Variants in RGS20 observed in about 807,000 individuals in gnomAD.
RGS20 encodes regulator of G protein signaling 20.
In RGS20, 30 loss-of-function variants were observed where a neutral mutation model predicts 33.6. That is an observed-to-expected ratio of 0.89 (90% CI 0.67 to 1.21). RGS20 has a LOEUF of 1.21. RGS20 is among the 50% of genes most tolerant of loss of function. The pLI is 0.00. For synonymous variants in RGS20, 208 were observed against 197.9 expected, an observed-to-expected ratio of 1.05 and a Z score of -0.43; for missense variants, 472 against 502.4, an observed-to-expected ratio of 0.94 and a Z score of 0.58.
At chr8:53,947,490 GCTATATAGGATATAGTATATACATTTATA>G (rs1161815730) in intron 4 of RGS20, among the ~76,000 whole-genome samples, 101 of 135,172 alleles carry the variant, frequency 7.5e-4, no homozygotes, top group African/African-American at 2.6e-3. Context: ...ATTTATATAT[GCTATATAGGATATAGTATATACATTTATA>G]TATGCTATAT....
intron 4 of RGS20, among the ~76,000 whole-genome samples, chr8:53,952,463 C>T (rs1467759050): frequency 1.3e-5 from 2 of 151,278 alleles, no homozygotes; most frequent in Admixed American, 6.6e-5. Context: ...CAGTGGCTCA[C>T]ACCTATAATC....
chr8:53,889,992 T>C (rs1297855513), intron 2 of RGS20, among the ~76,000 whole-genome samples: 1 of 152,170 alleles, frequency 6.6e-6, no homozygotes, highest in East Asian at 1.9e-4. Context: ...TATCTGTGGA[T>C]TGACGTCTTT....
Position 53,875,125 on chromosome 8 carries a change from A to G in RGS20, c.166-4133A>G, listed in dbSNP as rs60915831. Among the ~76,000 whole-genome samples the G allele has an allele frequency of 4.8e-3, 731 of 152,246 alleles. 5 individuals carry two copies. Among genetic ancestry groups the G allele is most frequent in the African/African-American group, 0.017 (694 of 41,530 alleles). ...ATAACAAGGGTTCAGTTTTTTATGTAATAAGTTTTCAAAGCACCATCTCCA... is the reference window on the plus strand; with the variant it reads ...ATAACAAGGGTTCAGTTTTTTATGTGATAAGTTTTCAAAGCACCATCTCCA... On this transcript the variant is annotated intron_variant, in intron 1 of 5. Coordinates refer to ENST00000297313, the MANE Select transcript of RGS20 (RefSeq NM_170587.4).
intron 5 of RGS20, among the ~76,000 whole-genome samples, chr8:53,956,719 CAA>C (rs34124954): frequency 1.3e-5 from 2 of 152,112 alleles, no homozygotes; most frequent in African/African-American, 4.8e-5. Context: ...ATACTGAGTC[CAA>C]AAAGTTATTT....
At chr8:53,899,820 AG>A (rs1812963069) in intron 2 of RGS20, among the ~76,000 whole-genome samples, 1 of 152,158 alleles carries the variant, frequency 6.6e-6, no homozygotes, top group African/African-American at 2.4e-5. Flanking sequence ...AGGCCTAGGG[AG>A]GTGGCTTCAG....
At chr8:53,909,255 A>ATATATATATT (rs1813281717) in intron 2 of RGS20, among the ~76,000 whole-genome samples, 1 of 69,726 alleles carries the variant, frequency 1.4e-5, no homozygotes, top group Admixed American at 1.7e-4. Flanking sequence ...ATATATATAT[A>ATATATATATT]CTTTTTTTTT....
At position 53,939,618 on chromosome 8, in the gene RGS20, C is replaced by T; in HGVS notation, c.553C>T (p.Pro185Ser). 2 of 1,604,032 alleles carry T rather than the reference C, an allele frequency of 1.2e-6. No individual in the cohort carries two copies. The highest frequency in any genetic ancestry group is 1.7e-6 in the Non-Finnish European group (2 of 1,175,950). ...GATGGAGATGCGGAAGCGGCAGATG[C>T]CCGCCGCCCAGGACACACCAGGCGC... The change falls in exon 3 of 6, where the codon CCC (proline) becomes TCC (serine). Residue 185 changes from proline to serine, a missense_variant. By Grantham distance (74) the Pro-to-Ser change is moderately conservative (BLOSUM62 -1). Coordinates refer to ENST00000297313, the MANE Select transcript of RGS20 (RefSeq NM_170587.4).
intron 2 of RGS20, among the ~76,000 whole-genome samples, chr8:53,904,412 G>A (rs747853286): frequency 2.2e-4 from 33 of 152,182 alleles, no homozygotes; most frequent in Non-Finnish European, 4.3e-4. Context: ...GATTACAGGC[G>A]TGAGCCACCA....
chr8:53,956,250 AG>A (rs1814860811), intron 5 of RGS20, among the ~76,000 whole-genome samples: 1 of 152,110 alleles, frequency 6.6e-6, no homozygotes, highest in African/African-American at 2.4e-5. Flanking sequence ...CCAGAAAGGG[AG>A]GGTGCTTACC....
intron 1 of RGS20, among the ~76,000 whole-genome samples, chr8:53,859,233 A>G (rs1232273534): frequency 6.6e-6 from 1 of 152,258 alleles, no homozygotes; most frequent in South Asian, 2.1e-4. Flanking sequence ...TTTATACACC[A>G]CAATGGAAGC....
intron 2 of RGS20, among the ~76,000 whole-genome samples, chr8:53,892,643 G>T (rs1585894120): frequency 6.6e-6 from 1 of 152,194 alleles, no homozygotes; most frequent in African/African-American, 2.4e-5. Context: ...ATTTGAATGT[G>T]TATAGCAGTG....
At chr8:53,855,072 T>C (rs949991088) in intron 1 of RGS20, among the ~76,000 whole-genome samples, 2 of 152,148 alleles carry the variant, frequency 1.3e-5, no homozygotes, top group Non-Finnish European at 2.9e-5. Context: ...AGCCACTCTT[T>C]TTTTTTCTTT....
At chr8:53,923,564 C>T (rs569286840) in intron 2 of RGS20, among the ~76,000 whole-genome samples, 4 of 151,866 alleles carry the variant, frequency 2.6e-5, no homozygotes, top group Admixed American at 2.6e-4. Context: ...CACTGAACTC[C>T]AGCCTGGGCG....
At chr8:53,946,626 G>A (rs752598381) in intron 3 of RGS20, 39 bp from the exon 3 acceptor site, 97 of 1,498,846 alleles carry the variant, frequency 6.5e-5, no homozygotes, top group Non-Finnish European at 8.2e-5. Flanking sequence ...TTCTTGGCAG[G>A]GACTGAGCTG....
At chr8:53,900,887 C>T (rs1037993689) in intron 2 of RGS20, among the ~76,000 whole-genome samples, 1 of 152,236 alleles carries the variant, frequency 6.6e-6, no homozygotes, top group Admixed American at 6.5e-5. Flanking sequence ...ACTCAGAGGA[C>T]TCCTCCAAGT....
intron 1 of RGS20, among the ~76,000 whole-genome samples, chr8:53,856,557 C>T (rs1000675248): frequency 1.3e-5 from 2 of 152,024 alleles, no homozygotes; most frequent in Admixed American, 6.6e-5. Flanking sequence ...ATTTTTGTTT[C>T]CTTTCAGGGC....
intron 2 of RGS20, among the ~76,000 whole-genome samples, chr8:53,893,748 C>T (rs542948490): frequency 3.9e-5 from 6 of 152,260 alleles, no homozygotes; most frequent in African/African-American, 1.4e-4. Context: ...CAGTGCTGTT[C>T]TTTTGGCAAA....
In RGS20 at chr8:53,851,913, CCCAAGATAA is replaced by C; in HGVS notation, c.21_29del (p.Asp7_Gln9del). 6.2e-7 allele frequency: 1 copy of C among 1,614,038 alleles called. No homozygotes were observed. Among genetic ancestry groups the C allele is most frequent in the Non-Finnish European group, 8.5e-7 (1 of 1,179,974 alleles). On this transcript the variant is annotated inframe_deletion, in exon 1 of 6. Coordinates refer to ENST00000297313, the MANE Select transcript of RGS20 (RefSeq NM_170587.4). Reference sequence around the variant, plus strand: ...TATTGTGAAAACATGCCCCAGCTTTCCCAAGATAACCAAGAGTGCCTCCAGAAACATTTC... The same window carrying C: ...TATTGTGAAAACATGCCCCAGCTTTCCCAAGAGTGCCTCCAGAAACATTTC...
chr8:53,880,922 G>A, intron 2 of RGS20: 1 of 1,546,392 alleles, frequency 6.5e-7, no homozygotes, highest in Non-Finnish European at 8.7e-7. Flanking sequence ...CAAAGACCGA[G>A]AGCCGGAGAA....
Sources: gnomAD v4.1 joint callset for allele counts (sites outside exome capture counted in the v4.1 genomes callset) on GRCh38, gnomAD v4.1.1 for gene constraint, MANE v1.5 for transcripts, NCBI Gene and HGNC (gene_info 2026-07-23, HGNC 2026-07-21) for gene names.